The following TMEM63C variants were observed in gnomAD, a reference collection of about 807,000 sequenced individuals.
TMEM63C encodes transmembrane protein 63C.
Under a neutral mutation model 99.2 loss-of-function variants are expected in TMEM63C, and 32 were observed. The observed-to-expected ratio is 0.32, with a 90% CI of 0.24 to 0.43. The LOEUF is 0.43. Ranked by LOEUF, TMEM63C falls within the 20% of genes least tolerant of loss-of-function variation. The pLI is 1.00. For synonymous variants in TMEM63C, 376 were observed against 397.9 expected, an observed-to-expected ratio of 0.94 and a Z score of 0.66; for missense variants, 826 against 1,053.0, an observed-to-expected ratio of 0.78 and a Z score of 2.98.
In TMEM63C at chr14:77,248,424, A is replaced by G; in HGVS notation, c.1679A>G (p.Glu560Gly). The change falls in exon 19 of 24, where the codon GAG (glutamate) becomes GGG (glycine). Residue 560 changes from glutamate (E) to glycine (G), a missense_variant. Physicochemically the swap from Glu to Gly is moderately conservative, Grantham distance 98 (BLOSUM62 -2). Transcript: ENST00000298351. ...GCAGCTTTACTTGGCACAGGCATGG[A>G]GCTGCTGCGTCTGGGGTCACTCTTC... Reference protein sequence around the residue: ...ITAALLGTGMELLRLGSLFCY... With the variant: ...ITAALLGTGMGLLRLGSLFCY... 1 of 1,595,068 alleles carries G rather than the reference A, an allele frequency of 6.3e-7. No homozygotes were observed. Among genetic ancestry groups the G allele is most frequent in the Non-Finnish European group, 8.5e-7 (1 of 1,171,096 alleles).
chr14:77,209,092 T>A (rs925946818), intron 1 of TMEM63C, among the ~76,000 whole-genome samples: 1 of 152,224 alleles, frequency 6.6e-6, no homozygotes, highest in East Asian at 1.9e-4. Context: ...CAACTTAGTT[T>A]GTGGCACAGT....
chr14:77,233,873 G>A lies in TMEM63C; in HGVS notation c.542+373G>A, dbSNP rs548998015. ...GGTTCCAGTCAGCCGTCATATACCCGAGTGAATCATGTGCCTGACAGTCCC... is the reference window on the plus strand; with the variant it reads ...GGTTCCAGTCAGCCGTCATATACCCAAGTGAATCATGTGCCTGACAGTCCC... On this transcript the variant is annotated intron_variant, in intron 8 of 23. Transcript: ENST00000298351. 1.4e-4 allele frequency among the ~76,000 whole-genome samples: 21 copies of A among 152,278 alleles called. No individual in the cohort carries two copies. The South Asian group carries it at 4.2e-3, about 30-fold the overall frequency.
intron 1 of TMEM63C, among the ~76,000 whole-genome samples, chr14:77,190,685 G>A (rs990944770): frequency 3.3e-5 from 5 of 152,136 alleles, no homozygotes; most frequent in African/African-American, 1.2e-4. Context: ...AACTTCATAA[G>A]TGCTAAAAAT....
At position 77,257,501 on chromosome 14, in the gene TMEM63C, G is replaced by A. The variant is rs1889487747; in HGVS notation, c.*775G>A. The A allele has an allele frequency of 6.6e-6, 1 of 152,234 alleles. No homozygotes were observed. The highest frequency in any genetic ancestry group is 2.4e-5 in the African/African-American group (1 of 41,438). 9.4% of individuals were successfully genotyped at this position (152,234 alleles called of 1,614,324 possible). A position where few individuals can be genotyped will look rare whatever the true frequency, so the allele number is the denominator to read the frequency against. ...AAGGAAACCTTGGTTAGTCCTTGCT[G>A]GGTAACACAAAGTGGGGTGAGACGA... On this transcript the variant is annotated 3_prime_UTR_variant, in exon 24 of 24. Transcript: ENST00000298351.
chr14:77,230,561 A>G (rs1888919958), intron 6 of TMEM63C, among the ~76,000 whole-genome samples: 2 of 152,138 alleles, frequency 1.3e-5, no homozygotes, highest in Admixed American at 1.3e-4. Flanking sequence ...ATTACACCTG[A>G]GCTCTGCCTC....
chr14:77,226,917 G>A (rs1218674486), intron 6 of TMEM63C, among the ~76,000 whole-genome samples: 1 of 152,064 alleles, frequency 6.6e-6, no homozygotes, highest in Non-Finnish European at 1.5e-5. Flanking sequence ...AGAGGCACGT[G>A]CCACCATGTC....
At chr14:77,234,899 C>T (rs34605221) in intron 8 of TMEM63C, among the ~76,000 whole-genome samples, 2 of 152,200 alleles carry the variant, frequency 1.3e-5, no homozygotes, top group African/African-American at 4.8e-5. Context: ...CCATGGGGGC[C>T]TGAGCCACAG....
chr14:77,247,609 G>C (rs189049041), intron 18 of TMEM63C, among the ~76,000 whole-genome samples: 1 of 152,296 alleles, frequency 6.6e-6, no homozygotes, highest in East Asian at 1.9e-4. Context: ...AACTAGGGGG[G>C]ATCATTGACA....
intron 6 of TMEM63C, among the ~76,000 whole-genome samples, chr14:77,230,765 T>C (rs890784346): frequency 2.0e-5 from 3 of 152,176 alleles, no homozygotes; most frequent in Non-Finnish European, 4.4e-5. Context: ...AAAAATTGTC[T>C]TCCACAAAAC....
intron 1 of TMEM63C, among the ~76,000 whole-genome samples, chr14:77,205,151 T>C (rs939755137): frequency 2.6e-5 from 4 of 152,174 alleles, no homozygotes; most frequent in Non-Finnish European, 5.9e-5. Context: ...CTCCAGGAAC[T>C]GAGGGAACAA....
At chr14:77,188,727 G>T (rs1271190354) in intron 1 of TMEM63C, among the ~76,000 whole-genome samples, 1 of 151,980 alleles carries the variant, frequency 6.6e-6, no homozygotes, top group Non-Finnish European at 1.5e-5. Context: ...ATAGCCAAGT[G>T]GGGTGGTGTG....
intron 15 of TMEM63C, among the ~76,000 whole-genome samples, 165 bp downstream of exon 15, chr14:77,243,221 G>T (rs1358526518): frequency 6.6e-6 from 1 of 152,166 alleles, no homozygotes; most frequent in Non-Finnish European, 1.5e-5. Flanking sequence ...GGCTTGCTTT[G>T]TTCTAAAGGG....
chr14:77,231,634 A>G lies in TMEM63C; in HGVS notation c.397A>G (p.Ile133Val), dbSNP rs1253864929. 2.6e-6 allele frequency: 4 copies of G among 1,551,478 alleles called. No homozygotes were observed. Among genetic ancestry groups the G allele is most frequent in the East Asian group, 2.4e-5 (1 of 40,906 alleles). ...GTGTGGGGACGACGCGCGCATCTAC[A>G]TCGTGTTCCAGTACCACCTCATCAT... ...NKCGDDARIY[I>V]VFQYHLIIFV... Residue 133 changes from isoleucine to valine, a missense_variant, in exon 7 of 24, where the codon ATC becomes GTC. By Grantham distance (29) the Ile-to-Val change is conservative (BLOSUM62 3). Transcript: ENST00000298351.
At chr14:77,226,379 G>A (rs1005619070) in intron 6 of TMEM63C, among the ~76,000 whole-genome samples, 2 of 152,198 alleles carry the variant, frequency 1.3e-5, no homozygotes, top group South Asian at 2.1e-4. Context: ...AGCTTAATGC[G>A]TTTACTGAGC....
intron 3 of TMEM63C, 115 bp from the exon 4 acceptor site, chr14:77,219,383 A>G (rs2140108806): frequency 9.9e-7 from 1 of 1,009,180 alleles, no homozygotes; most frequent in Middle Eastern, 2.2e-4. Context: ...CTTCTAGTGG[A>G]GGAGCTCCCT....
chr14:77,244,544 C>A, intron 16 of TMEM63C, 89 bp downstream of exon 16: 1 of 967,318 alleles, frequency 1.0e-6, no homozygotes. Context: ...ACTTGGGCCT[C>A]CCCTCTAGCC....
At chr14:77,236,791 C>G (rs1339216552) in intron 9 of TMEM63C, 59 bp downstream of exon 9, 1 of 1,170,916 alleles carries the variant, frequency 8.5e-7, no homozygotes, top group Non-Finnish European at 1.3e-6. Context: ...CCCCACTGGG[C>G]TGACCACTTC....
intron 1 of TMEM63C, among the ~76,000 whole-genome samples, chr14:77,192,772 A>T (rs1392300536): frequency 6.6e-6 from 1 of 152,044 alleles, no homozygotes. Flanking sequence ...TTCAAGAAAG[A>T]ATAAGACAAA....
chr14:77,199,424 T>C (rs1442446851), intron 1 of TMEM63C, among the ~76,000 whole-genome samples: 1 of 152,180 alleles, frequency 6.6e-6, no homozygotes, highest in East Asian at 1.9e-4. Flanking sequence ...ACTTGCCTGT[T>C]ATCTCACCAG....
Sources: gnomAD v4.1 joint callset for allele counts (sites outside exome capture counted in the v4.1 genomes callset) on GRCh38, gnomAD v4.1.1 for gene constraint, MANE v1.5 for transcripts, NCBI Gene and HGNC (gene_info 2026-07-23, HGNC 2026-07-21) for gene names.